GNA12: variants seen among roughly 807,000 people sequenced by gnomAD.
GNA12 encodes the protein G protein subunit alpha 12, also known as guanine nucleotide-binding protein subunit alpha-12.
A neutral mutation model predicts 26.0 loss-of-function variants in GNA12; 9 were observed. The ratio of observed to expected loss-of-function variants is 0.35; its 90% CI spans 0.21 to 0.60. The LOEUF is 0.60. Ranked by LOEUF, GNA12 falls within the 20% of genes least tolerant of loss-of-function variation. The pLI is 0.78. For missense variants in GNA12, 405 were observed against 525.8 expected (o/e 0.77, Z 2.25); for synonymous variants, 264 against 219.6 (o/e 1.20, Z -1.79).
intron 1 of GNA12, among the ~76,000 whole-genome samples, chr7:2,808,796 A>G (rs1401544940): frequency 6.6e-6 from 1 of 152,174 alleles, no homozygotes; most frequent in African/African-American, 2.4e-5. Flanking sequence ...ACCAGTGGTC[A>G]AGTTAGCCTG....
intron 2 of GNA12, chr7:2,762,246 A>C (rs573555701): frequency 1.0e-4 from 21 of 201,918 alleles, no homozygotes; most frequent in African/African-American, 2.3e-4. Context: ...CTGCTAGGAA[A>C]CACCACCCTG....
intron 2 of GNA12, among the ~76,000 whole-genome samples, chr7:2,737,275 T>TTTTGTTTTG (rs1562394871): frequency 1.9e-3 from 75 of 39,760 alleles, no homozygotes; most frequent in African/African-American, 6.4e-3. Flanking sequence ...TTTTGTTTTG[T>TTTTGTTTTG]TTTTTTTTTT....
At chr7:2,744,455 G>C (rs1204340303) in intron 2 of GNA12, among the ~76,000 whole-genome samples, 1 of 152,188 alleles carries the variant, frequency 6.6e-6, no homozygotes, top group Admixed American at 6.5e-5. Flanking sequence ...TGCAGCTGAG[G>C]GTCCTGTCTG....
intron 1 of GNA12, chr7:2,835,578 G>T (rs1778814895): frequency 2.0e-5 from 11 of 553,490 alleles, no homozygotes; most frequent in Non-Finnish European, 3.3e-5. Context: ...GAGCGCGCTT[G>T]GGGGCAAAGT....
At chr7:2,782,981 T>C (rs543064499) in intron 2 of GNA12, among the ~76,000 whole-genome samples, 1 of 152,370 alleles carries the variant, frequency 6.6e-6, no homozygotes, top group South Asian at 2.1e-4. Context: ...TTTAAACATA[T>C]GCCATGTCAC....
intron 2 of GNA12, among the ~76,000 whole-genome samples, chr7:2,740,723 G>C (rs982171406): frequency 6.6e-6 from 1 of 152,180 alleles, no homozygotes; most frequent in Non-Finnish European, 1.5e-5. Flanking sequence ...ATGTTTAATA[G>C]TTCAAATTAT....
chr7:2,811,450 G>A (rs750953469), intron 1 of GNA12, among the ~76,000 whole-genome samples: 26 of 152,220 alleles, frequency 1.7e-4, no homozygotes, highest in Non-Finnish European at 3.2e-4. Flanking sequence ...ACATGTTCCA[G>A]AGGTACAGGA....
At chr7:2,777,278 A>G (rs1380800341) in intron 2 of GNA12, among the ~76,000 whole-genome samples, 1 of 152,258 alleles carries the variant, frequency 6.6e-6, no homozygotes, top group Non-Finnish European at 1.5e-5. Flanking sequence ...AATGGGCCAT[A>G]TGATAGAAAT....
intron 2 of GNA12, among the ~76,000 whole-genome samples, chr7:2,792,198 C>T (rs1251310814): frequency 2.0e-5 from 3 of 152,154 alleles, no homozygotes; most frequent in Non-Finnish European, 2.9e-5. Flanking sequence ...CATGTAGCAC[C>T]GGGTCTCACA....
chr7:2,750,876 T>A (rs1791001038), intron 2 of GNA12, among the ~76,000 whole-genome samples: 1 of 152,126 alleles, frequency 6.6e-6, no homozygotes, highest in East Asian at 1.9e-4. Context: ...CTGAAATAAC[T>A]GATTAATATG....
intron 1 of GNA12, among the ~76,000 whole-genome samples, chr7:2,796,885 G>A (rs896865649): frequency 5.3e-5 from 8 of 152,138 alleles, no homozygotes; most frequent in African/African-American, 1.9e-4. Flanking sequence ...ACCATCCTTA[G>A]ACTAATGTTT....
chr7:2,825,503 G>A (rs778242569), intron 1 of GNA12, among the ~76,000 whole-genome samples: 6 of 152,194 alleles, frequency 3.9e-5, no homozygotes, highest in Admixed American at 6.5e-5. Flanking sequence ...ATATGAAGAC[G>A]CCATGAAGAA....
chr7:2,839,761 G>A (rs1416727006), intron 1 of GNA12, among the ~76,000 whole-genome samples: 1 of 152,166 alleles, frequency 6.6e-6, no homozygotes, highest in Non-Finnish European at 1.5e-5. Context: ...GGCACTTTGG[G>A]AGGCCGAGGC....
At chr7:2,835,462 C>A (rs1778810598) in intron 1 of GNA12, among the ~76,000 whole-genome samples, 3 of 152,202 alleles carry the variant, frequency 2.0e-5, no homozygotes, top group Admixed American at 2.0e-4. Context: ...GGTGACATTT[C>A]CTCCCTGTGT....
chr7:2,814,492 A>T, intron 1 of GNA12: 1 of 795,570 alleles, frequency 1.3e-6, no homozygotes, highest in East Asian at 2.5e-5. Context: ...AAATAAAATC[A>T]AAGACACAAA....
At chr7:2,802,016 T>C (rs978966497) in intron 1 of GNA12, among the ~76,000 whole-genome samples, 1 of 152,100 alleles carries the variant, frequency 6.6e-6, no homozygotes, top group East Asian at 1.9e-4. Context: ...CATATTATAA[T>C]AAACCTCTTA....
At chr7:2,734,243 C>T (rs529915110) in intron 2 of GNA12, among the ~76,000 whole-genome samples, 15 of 152,260 alleles carry the variant, frequency 9.9e-5, no homozygotes, top group African/African-American at 3.1e-4. Flanking sequence ...GCCGGGAGAG[C>T]GCAACCACCG....
intron 1 of GNA12, among the ~76,000 whole-genome samples, chr7:2,813,616 C>G (rs1793138447): frequency 1.3e-5 from 2 of 152,134 alleles, no homozygotes; most frequent in South Asian, 2.1e-4. Context: ...GGTGAGCAAA[C>G]CAATCTGTGA....
Position 2,759,173 on chromosome 7 carries a change from AAATAAATAAATAAAT to A in GNA12, c.526-25687_526-25673del, listed in dbSNP as rs1382750674. Among the ~76,000 whole-genome samples, 661 of 149,556 alleles carry A rather than the reference AAATAAATAAATAAAT, an allele frequency of 4.4e-3. 8 individuals are homozygous for A. Among genetic ancestry groups the A allele is most frequent in the African/African-American group, 0.015 (625 of 40,450 alleles). ...TAAATAAATAAATAAATAAATAAAT[AAATAAATAAATAAAT>A]AAAATAAAAATAAAAACCCCATGAT... On this transcript the variant is annotated intron_variant, in intron 2 of 3. Coordinates refer to ENST00000275364, the MANE Select transcript of GNA12 (RefSeq NM_007353.3).
Sources: allele counts gnomAD v4.1 joint callset (sites outside exome capture counted in the v4.1 genomes callset), GRCh38; gene constraint gnomAD v4.1.1; transcripts MANE v1.5; gene names NCBI Gene and HGNC (gene_info 2026-07-23, HGNC 2026-07-21).